Variants in MAPK10 observed in about 807,000 individuals in gnomAD.
MAPK10 encodes the protein JNK3 alpha protein kinase.
In MAPK10, 25 loss-of-function variants were observed where a neutral mutation model predicts 59.3. The observed-to-expected ratio is 0.42, with a 90% CI of 0.31 to 0.59. The LOEUF (loss-of-function observed/expected upper bound fraction) is 0.59, where lower values mean the gene tolerates loss of function less well. MAPK10 is among the 20% of genes least tolerant of loss of function. The pLI is 0.15. For synonymous variants in MAPK10, 190 were observed against 200.5 expected, an observed-to-expected ratio of 0.95 and a Z score of 0.44; for missense variants, 351 against 568.9, an observed-to-expected ratio of 0.62 and a Z score of 3.90.
intron 2 of MAPK10, among the ~76,000 whole-genome samples, chr4:86,253,451 G>T (rs1430977305): frequency 8.5e-6 from 1 of 117,114 alleles, no homozygotes; most frequent in African/African-American, 5.2e-5. Context: ...TTTGTCTTTG[G>T]CTCTGTTTAT....
Position 86,220,753 on chromosome 4 carries a change from T to C in MAPK10, c.-6-26346A>G, listed in dbSNP as rs1019565939. Among the ~76,000 whole-genome samples, 42 of 152,324 alleles carry C rather than the reference T, an allele frequency of 2.8e-4. 1 individual carries two copies. Among genetic ancestry groups the C allele is most frequent in the African/African-American group, 1.0e-3 (42 of 41,586 alleles). On this transcript the variant is annotated intron_variant, in intron 2 of 13. Coordinates refer to ENST00000641462, the MANE Select transcript of MAPK10 (RefSeq NM_138982.4). ...TGACGTACAGCCTAATATATTTGTATGGCGTTTCTAACTAGCATTTTAGCA... is the reference window on the plus strand; with the variant it reads ...TGACGTACAGCCTAATATATTTGTACGGCGTTTCTAACTAGCATTTTAGCA...
At chr4:86,279,359 C>T (rs964672130) in intron 2 of MAPK10, among the ~76,000 whole-genome samples, 5 of 152,092 alleles carry the variant, frequency 3.3e-5, no homozygotes, top group African/African-American at 7.2e-5. Context: ...TAGAGAAGTA[C>T]GCACATCCTG....
intron 6 of MAPK10, 111 bp from the exon 7 acceptor site, chr4:86,102,143 G>C: frequency 1.1e-6 from 1 of 924,132 alleles, no homozygotes; most frequent in Non-Finnish European, 1.7e-6. Context: ...TCTTAGCTCT[G>C]CCTTTGACTT....
Position 86,047,673 on chromosome 4 carries a change from C to T in MAPK10, c.1111-16242G>A, listed in dbSNP as rs545126795. On this transcript the variant is annotated intron_variant, in intron 11 of 13. Transcript: ENST00000641462. ...GTGCACGCACGTGCACTTGTACACG[C>T]ATGCTGGGTTGCAATGTAAAACACC... Among the ~76,000 whole-genome samples, 7 of 152,220 alleles carry T rather than the reference C, an allele frequency of 4.6e-5. No individual in the cohort carries two copies. In the South Asian group the frequency reaches 1.5e-3, roughly 32 times the overall value.
intron 2 of MAPK10, among the ~76,000 whole-genome samples, chr4:86,293,078 T>C (rs1486259258): frequency 6.6e-6 from 1 of 152,174 alleles, no homozygotes; most frequent in African/African-American, 2.4e-5. Flanking sequence ...CATATCACAT[T>C]AAATAAAATT....
intron 1 of MAPK10, among the ~76,000 whole-genome samples, chr4:86,522,277 G>A (rs764269388): frequency 4.6e-5 from 7 of 152,096 alleles, no homozygotes; most frequent in South Asian, 2.1e-4. Context: ...AAGAATGATG[G>A]GTTTGTACTT....
chr4:86,071,506 T>G (rs923212082), intron 9 of MAPK10, among the ~76,000 whole-genome samples: 7 of 146,296 alleles, frequency 4.8e-5, no homozygotes, highest in Admixed American at 4.1e-4. Flanking sequence ...GGTTTTCTTC[T>G]AGGGTTTTTA....
intron 2 of MAPK10, among the ~76,000 whole-genome samples, chr4:86,320,407 T>C (rs1042559052): frequency 6.6e-6 from 1 of 152,222 alleles, no homozygotes; most frequent in African/African-American, 2.4e-5. Context: ...GTGAGGCTTA[T>C]TTCTATTCCA....
chr4:86,388,989 A>G (rs939186350), intron 1 of MAPK10, among the ~76,000 whole-genome samples: 2 of 152,208 alleles, frequency 1.3e-5, no homozygotes, highest in African/African-American at 2.4e-5. Context: ...AGCATTCAAT[A>G]TGTGATATGG....
At chr4:86,547,426 G>A (rs910292277) in intron 1 of MAPK10, among the ~76,000 whole-genome samples, 1 of 152,232 alleles carries the variant, frequency 6.6e-6, no homozygotes, top group Non-Finnish European at 1.5e-5. Context: ...GGGCAGTGAG[G>A]GGTTTAGCAC....
upstream of MAPK10, chr4:86,360,167 G>C (rs1736632290): frequency 3.0e-6 from 3 of 985,932 alleles, no homozygotes; most frequent in Admixed American, 1.8e-4. Context: ...GGATGAGGGG[G>C]AAACAGAAAG....
chr4:86,234,577 T>C (rs897116083), intron 2 of MAPK10, among the ~76,000 whole-genome samples: 4 of 152,098 alleles, frequency 2.6e-5, no homozygotes, highest in African/African-American at 9.6e-5. Flanking sequence ...TCTTATCTTC[T>C]GACAAATGAC....
intron 1 of MAPK10, among the ~76,000 whole-genome samples, chr4:86,460,143 C>A (rs1751601978): frequency 1.3e-5 from 2 of 152,100 alleles, no homozygotes; most frequent in South Asian, 2.1e-4. Flanking sequence ...AGCAACTGGG[C>A]AGACTGAGAT....
At chr4:86,082,055 T>A (rs1450058185) in intron 9 of MAPK10, 1 of 151,982 alleles carries the variant, frequency 6.6e-6, no homozygotes, top group East Asian at 1.9e-4. Context: ...AAAAAGTGAG[T>A]CACAAGATAA....
intron 1 of MAPK10, among the ~76,000 whole-genome samples, chr4:86,370,077 T>C (rs1738522393): frequency 6.6e-6 from 1 of 152,210 alleles, no homozygotes; most frequent in Non-Finnish European, 1.5e-5. Context: ...TTTCCTGACA[T>C]AACGTTGTAA....
At chr4:86,234,964 G>A (rs1309977343) in intron 2 of MAPK10, among the ~76,000 whole-genome samples, 1 of 152,088 alleles carries the variant, frequency 6.6e-6, no homozygotes, top group Non-Finnish European at 1.5e-5. Flanking sequence ...AAAGAGAAGA[G>A]TTTTAGAAAA....
At chr4:86,369,106 T>C (rs958797855) in intron 1 of MAPK10, among the ~76,000 whole-genome samples, 7 of 152,128 alleles carry the variant, frequency 4.6e-5, no homozygotes, top group African/African-American at 1.7e-4. Context: ...ATGGACTACA[T>C]TTGAGTTTGG....
chr4:86,552,493 G>GAGGGAGGGAGGGA (rs1759906654), intron 1 of MAPK10, among the ~76,000 whole-genome samples: 2 of 65,990 alleles, frequency 3.0e-5, no homozygotes, highest in Non-Finnish European at 6.9e-5. Context: ...GGGAGGGAGG[G>GAGGGAGGGAGGGA]AGGGAAGGAA....
At chr4:86,404,775 G>A (rs1263049956) in intron 1 of MAPK10, among the ~76,000 whole-genome samples, 3 of 152,294 alleles carry the variant, frequency 2.0e-5, no homozygotes, top group East Asian at 1.9e-4. Flanking sequence ...CCCAGATGTT[G>A]AGAGTCTTGG....
Sources: allele counts gnomAD v4.1 joint callset (sites outside exome capture counted in the v4.1 genomes callset), GRCh38; gene constraint gnomAD v4.1.1; transcripts MANE v1.5; gene names NCBI Gene and HGNC (gene_info 2026-07-23, HGNC 2026-07-21).